MX2: variants seen among roughly 807,000 people sequenced by gnomAD.
MX2 encodes the protein interferon-induced GTP-binding protein Mx2.
MX2 carries 51 observed loss-of-function variants against 74.0 expected under a neutral mutation model. That is an observed-to-expected ratio of 0.69 (90% CI 0.55 to 0.87). The LOEUF is 0.87. MX2 is among the 40% of genes least tolerant of loss of function. The probability of loss-of-function intolerance (pLI) is 0.00; values close to 1 mark genes in which losing one functional copy is unlikely to be tolerated. For missense variants in MX2, 832 were observed against 908.7 expected (o/e 0.92, Z 1.09); for synonymous variants, 369 against 339.3 (o/e 1.09, Z -0.96).
At position 41,379,031 on chromosome 21, in the gene MX2, G is replaced by A. The variant is rs563409038; in HGVS notation, c.443-986G>A. ...CCCTGCACAGCCCCCTGCAACAACC[G>A]CAAAGCCACAGTGAGCCTGGGAGAG... On this transcript the variant is annotated intron_variant, in intron 3 of 13. Transcript: ENST00000330714. 1.4e-4 allele frequency among the ~76,000 whole-genome samples: 22 copies of A among 152,338 alleles called. 1 individual carries two copies. The highest frequency in any genetic ancestry group is 4.3e-4 in the African/African-American group (18 of 41,576).
chr21:41,403,882 A>AG (rs1339916636), intron 12 of MX2: 2 of 234,656 alleles, frequency 8.5e-6, no homozygotes. Context: ...GCAAGCAAGA[A>AG]GGACAATTTT....
At chr21:41,395,920 T>C in intron 7 of MX2, 135 bp downstream of exon 7, 2 of 834,522 alleles carry the variant, frequency 2.4e-6, no homozygotes, top group Non-Finnish European at 3.7e-6. Context: ...CTGATTTTTG[T>C]GCTAGATTTC....
chr21:41,385,150 A>T (rs1213404809), intron 5 of MX2, among the ~76,000 whole-genome samples: 2 of 152,196 alleles, frequency 1.3e-5, no homozygotes, highest in Non-Finnish European at 2.9e-5. Flanking sequence ...TTTGTATTCA[A>T]CACTTAGCTA....
chr21:41,394,956 GAGAA>G (rs913878336), intron 6 of MX2, among the ~76,000 whole-genome samples: 1 of 150,604 alleles, frequency 6.6e-6, no homozygotes, highest in African/African-American at 2.5e-5. Flanking sequence ...GAGAGAGAGA[GAGAA>G]AGGAAGGAAG....
intron 13 of MX2, among the ~76,000 whole-genome samples, chr21:41,407,387 C>T (rs1055243033): frequency 1.3e-5 from 2 of 152,204 alleles, no homozygotes; most frequent in Non-Finnish European, 2.9e-5. Flanking sequence ...AAGGCACTAA[C>T]ATGCCACACT....
chr21:41,404,873 CA>C (rs547207365), intron 12 of MX2: 11,320 of 68,996 alleles, frequency 0.16, 446 homozygotes, highest in South Asian at 0.3. Context: ...CACATATACT[CA>C]AAAAAAAAAA....
Position 41,377,719 on chromosome 21 carries a change from C to T in MX2, c.250-70C>T, listed in dbSNP as rs573783367. On this transcript the variant is annotated intron_variant, in intron 2 of 13. Coordinates refer to ENST00000330714, the MANE Select transcript of MX2 (RefSeq NM_002463.2). ...TAACATCATAGCCGCACAAACTCTG[C>T]CACACATCTCCATGACACCAGGGAC... 3.8e-4 allele frequency: 574 copies of T among 1,494,464 alleles called. No homozygotes were observed. In the African/African-American group the frequency reaches 7.2e-3, roughly 19 times the overall value. The allele number at this position is 1,494,464 out of a possible 1,614,324, so 92.6% of individuals were successfully genotyped here.
intron 6 of MX2, 79 bp from the exon 7 acceptor site, chr21:41,395,508 A>G: frequency 7.4e-7 from 1 of 1,356,980 alleles, no homozygotes; most frequent in African/African-American, 1.5e-5. Context: ...CCAAAAAAGG[A>G]GCCCATAGTC....
At chr21:41,379,786 A>C (rs910609727) in intron 3 of MX2, among the ~76,000 whole-genome samples, 4 of 152,214 alleles carry the variant, frequency 2.6e-5, no homozygotes, top group Admixed American at 2.6e-4. Flanking sequence ...ATCGGAGCTC[A>C]GGGTGCTTAC....
intron 9 of MX2, 80 bp from the exon 10 acceptor site, chr21:41,399,116 G>A (rs1471763222): frequency 2.5e-6 from 4 of 1,595,114 alleles, no homozygotes; most frequent in South Asian, 1.1e-5. Context: ...GAGGTGGGCG[G>A]GTGGACATCT....
chr21:41,375,669 GGGCCC>G (rs1333925530), intron 1 of MX2, among the ~76,000 whole-genome samples: 3 of 152,212 alleles, frequency 2.0e-5, no homozygotes, highest in Admixed American at 1.3e-4. Context: ...ATGAGATTTA[GGGCCC>G]ATTCTAAATC....
At chr21:41,405,673 C>T (rs924678131) in intron 12 of MX2, among the ~76,000 whole-genome samples, 11 of 150,810 alleles carry the variant, frequency 7.3e-5, no homozygotes, top group African/African-American at 2.7e-4. Context: ...TGTGACCCCC[C>T]TTCTCTGCTA....
chr21:41,382,911 C>A (rs2089517246), intron 5 of MX2, among the ~76,000 whole-genome samples: 1 of 152,136 alleles, frequency 6.6e-6, no homozygotes, highest in African/African-American at 2.4e-5. Flanking sequence ...TCCATTTTGG[C>A]AATATTTTAA....
chr21:41,395,761 TC>T lies in MX2; in HGVS notation c.1047del (p.Gln351LysfsTer39). The part of the protein sequence containing the change: ...LAEATKKEIT[F>X]FQTHPYFRVL... ...GAGGCAACCAAGAAAGAAATTACAT[TC>T]TTTCAAACACATCCATATTTCAGGT... is the stretch of plus-strand genomic sequence containing the variant. On this transcript the variant is annotated frameshift_variant, in exon 7 of 14. Transcript: ENST00000330714. LOFTEE classifies it high-confidence loss of function. 6.2e-7 allele frequency: 1 copy of T among 1,614,114 alleles called. No homozygotes were observed. Among genetic ancestry groups the T allele is most frequent in the Non-Finnish European group, 8.5e-7 (1 of 1,180,038 alleles).
At chr21:41,362,602 G>T (rs369452407) in intron 1 of MX2, among the ~76,000 whole-genome samples, 1 of 151,942 alleles carries the variant, frequency 6.6e-6, no homozygotes, top group East Asian at 1.9e-4. Flanking sequence ...TGCTCCCACC[G>T]TGGCCAGTTC....
At chr21:41,378,422 C>T (rs1266441832) in intron 3 of MX2, among the ~76,000 whole-genome samples, 2 of 152,014 alleles carry the variant, frequency 1.3e-5, no homozygotes, top group East Asian at 1.9e-4. Context: ...TTTCACTGCC[C>T]GTGTGTCAGT....
In MX2 at chr21:41,397,678, T is replaced by C. The variant is rs761499521; in HGVS notation, c.1136T>C (p.Ile379Thr). ...RLAERLTTEL[I>T]MHIQKSLPLL... The stretch of plus-strand genomic sequence containing the variant: ...GCAGAAAGACTTACCACTGAACTCA[T>C]CATGCATATCCAAGTGAGCCACGTG... The change falls in exon 8 of 14, where the codon ATC becomes ACC. Residue 379 changes from isoleucine (I) to threonine (T), a missense_variant. Physicochemically the swap from Ile to Thr is moderately conservative, Grantham distance 89 (BLOSUM62 -1). Transcript: ENST00000330714. 6.8e-6 allele frequency: 11 copies of C among 1,614,082 alleles called. No homozygotes were observed. Among genetic ancestry groups the C allele is most frequent in the Middle Eastern group, 1.6e-4 (1 of 6,062 alleles).
At chr21:41,376,110 G>A (rs780113900) in intron 1 of MX2, among the ~76,000 whole-genome samples, 1 of 152,206 alleles carries the variant, frequency 6.6e-6, no homozygotes, top group Non-Finnish European at 1.5e-5. Context: ...GGCCAAGCCC[G>A]GGTGTGAGGC....
intron 6 of MX2, among the ~76,000 whole-genome samples, chr21:41,393,110 CAAAAA>C (rs373955778): frequency 3.3e-5 from 2 of 60,084 alleles, no homozygotes; most frequent in African/African-American, 1.0e-4. Flanking sequence ...CTCAAAAAAG[CAAAAA>C]AAAAAAAAAA....
Sources: gnomAD v4.1 joint callset for allele counts (sites outside exome capture counted in the v4.1 genomes callset) on GRCh38, gnomAD v4.1.1 for gene constraint, MANE v1.5 for transcripts, NCBI Gene and HGNC (gene_info 2026-07-23, HGNC 2026-07-21) for gene names.